The following ASXL3 variants were observed in gnomAD, a reference collection of about 807,000 sequenced individuals.
ASXL3 encodes putative Polycomb group protein ASXL3.
A neutral mutation model predicts 170.6 loss-of-function variants in ASXL3; 34 were observed. The ratio of observed to expected loss-of-function variants is 0.20; its 90% CI spans 0.15 to 0.27. The LOEUF (loss-of-function observed/expected upper bound fraction) is 0.27, where lower values mean the gene tolerates loss of function less well. Ranked by LOEUF, ASXL3 falls within the 10% of genes least tolerant of loss-of-function variation. The pLI, the probability that ASXL3 is intolerant of heterozygous loss-of-function variation, is 1.00. For missense variants in ASXL3, 2,592 were observed against 2,695.3 expected (o/e 0.96, Z 0.85); for synonymous variants, 1,002 against 989.1 (o/e 1.01, Z -0.24).
chr18:33,607,195 G>A (rs1159262217), intron 1 of ASXL3, among the ~76,000 whole-genome samples: 1 of 151,918 alleles, frequency 6.6e-6, no homozygotes, highest in African/African-American at 2.4e-5. Flanking sequence ...TCTTCTATTG[G>A]TAGTATTCAG....
intron 8 of ASXL3, among the ~76,000 whole-genome samples, chr18:33,706,230 G>C (rs2066955124): frequency 6.6e-6 from 1 of 151,512 alleles, no homozygotes; most frequent in African/African-American, 2.4e-5. Context: ...AGATCAAAGA[G>C]CTACCTCAAC....
chr18:33,631,922 G>T (rs2065682771), intron 2 of ASXL3, among the ~76,000 whole-genome samples: 2 of 152,094 alleles, frequency 1.3e-5, no homozygotes, highest in South Asian at 4.1e-4. Flanking sequence ...TATAAATATT[G>T]TTATTCAGCA....
chr18:33,661,539 A>C, intron 4 of ASXL3, 77 bp from the exon 5 acceptor site: 1 of 1,387,392 alleles, frequency 7.2e-7, no homozygotes, highest in Non-Finnish European at 9.8e-7. Context: ...ATTGCAGAAA[A>C]GCTCCAAGTG....
chr18:33,712,528 T>C (rs907007065), intron 8 of ASXL3, among the ~76,000 whole-genome samples: 4 of 152,212 alleles, frequency 2.6e-5, no homozygotes, highest in African/African-American at 9.6e-5. Context: ...TTTACAATAC[T>C]AGCTGACGAG....
At chr18:33,683,681 G>A (rs889977916) in intron 8 of ASXL3, 113 bp downstream of exon 8, 1 of 1,125,132 alleles carries the variant, frequency 8.9e-7, no homozygotes, top group Non-Finnish European at 1.2e-6. Flanking sequence ...TGTAATTTAT[G>A]CATTTCTATT....
chr18:33,729,465 G>T (rs2067407160), intron 8 of ASXL3, among the ~76,000 whole-genome samples: 1 of 152,114 alleles, frequency 6.6e-6, no homozygotes, highest in Admixed American at 6.5e-5. Context: ...TACCCTGTTT[G>T]CTCTGTACTC....
intron 2 of ASXL3, among the ~76,000 whole-genome samples, chr18:33,624,803 T>C (rs2065574863): frequency 6.6e-6 from 1 of 152,154 alleles, no homozygotes; most frequent in Admixed American, 6.6e-5. Flanking sequence ...AATAATTCTT[T>C]GGAAAATCTG....
chr18:33,628,314 A>T (rs1341424527), intron 2 of ASXL3, among the ~76,000 whole-genome samples: 8 of 152,022 alleles, frequency 5.3e-5, no homozygotes, highest in Non-Finnish European at 1.2e-4. Flanking sequence ...CAAGCGTTAG[A>T]CTTGAAGTGG....
chr18:33,604,946 C>T (rs745744819), intron 1 of ASXL3, among the ~76,000 whole-genome samples: 3 of 151,782 alleles, frequency 2.0e-5, no homozygotes, highest in Non-Finnish European at 4.4e-5. Flanking sequence ...AATATAAATT[C>T]GAGATGAATT....
chr18:33,649,895 G>T (rs997572934), intron 4 of ASXL3, among the ~76,000 whole-genome samples: 1 of 152,030 alleles, frequency 6.6e-6, no homozygotes. Flanking sequence ...TTTCAGAGCT[G>T]ATAAGAAAGA....
At chr18:33,610,155 A>G (rs1333705138) in intron 2 of ASXL3, among the ~76,000 whole-genome samples, 2 of 151,996 alleles carry the variant, frequency 1.3e-5, no homozygotes, top group African/African-American at 2.4e-5. Context: ...AAGTTTTTAA[A>G]TGTTTTCCAA....
intron 1 of ASXL3, among the ~76,000 whole-genome samples, chr18:33,586,404 C>CTT (rs56692329): frequency 0.05 from 7,592 of 150,966 alleles, 640 homozygotes; most frequent in African/African-American, 0.18. Flanking sequence ...AATTGCCTTC[C>CTT]TTTTTTTTTA....
chr18:33,728,965 G>A (rs181102637), intron 8 of ASXL3, among the ~76,000 whole-genome samples: 1 of 152,228 alleles, frequency 6.6e-6, no homozygotes, highest in East Asian at 1.9e-4. Context: ...TAATACATAT[G>A]CATGAGTAAA....
chr18:33,652,706 T>C (rs997502752), intron 4 of ASXL3, among the ~76,000 whole-genome samples: 1 of 151,960 alleles, frequency 6.6e-6, no homozygotes, highest in African/African-American at 2.4e-5. Context: ...TTTTCATTAT[T>C]CTTTATGGCC....
intron 7 of ASXL3, among the ~76,000 whole-genome samples, chr18:33,677,634 C>T (rs1054182721): frequency 1.3e-5 from 2 of 152,112 alleles, no homozygotes; most frequent in Admixed American, 6.5e-5. Context: ...TGCATGTTTT[C>T]GTTACAATAC....
At chr18:33,668,457 C>G (rs1386345982) in intron 5 of ASXL3, among the ~76,000 whole-genome samples, 1 of 150,840 alleles carries the variant, frequency 6.6e-6, no homozygotes, top group African/African-American at 2.4e-5. Context: ...GAAAAAAAAT[C>G]TTTTTATATA....
intron 8 of ASXL3, among the ~76,000 whole-genome samples, chr18:33,699,103 A>G (rs538958504): frequency 6.6e-6 from 1 of 152,308 alleles, no homozygotes; most frequent in Admixed American, 6.5e-5. Context: ...TCCACTTTTC[A>G]AAAGAGAGAC....
intron 2 of ASXL3, among the ~76,000 whole-genome samples, chr18:33,632,942 C>A (rs2145175567): frequency 6.6e-6 from 1 of 152,286 alleles, no homozygotes; most frequent in Admixed American, 6.5e-5. Context: ...ATGTCATGAG[C>A]CATGAAGTGG....
chr18:33,634,840 G>C (rs1460168209), intron 2 of ASXL3, among the ~76,000 whole-genome samples: 1 of 152,160 alleles, frequency 6.6e-6, no homozygotes, highest in Non-Finnish European at 1.5e-5. Flanking sequence ...GGCGCTATGA[G>C]GTGAACACCT....
Sources: gnomAD v4.1 joint callset for allele counts (sites outside exome capture counted in the v4.1 genomes callset) on GRCh38, gnomAD v4.1.1 for gene constraint, MANE v1.5 for transcripts, NCBI Gene and HGNC (gene_info 2026-07-23, HGNC 2026-07-21) for gene names.